The following MSH4 variants were observed in gnomAD, a reference collection of about 807,000 sequenced individuals.
MSH4 encodes mutS homolog 4, also known as mutS protein homolog 4.
A neutral mutation model predicts 113.7 loss-of-function variants in MSH4; 106 were observed. The ratio of observed to expected loss-of-function variants is 0.93; its 90% CI spans 0.80 to 1.10. The LOEUF (loss-of-function observed/expected upper bound fraction) is 1.10. MSH4 is among the 50% of genes least tolerant of loss of function. MSH4 has a pLI of 0.00. For missense variants in MSH4, 1,061 were observed against 1,093.7 expected (o/e 0.97, Z 0.42); for synonymous variants, 368 against 380.2 (o/e 0.97, Z 0.37).
At chr1:75,835,544 C>T (rs948894863) in intron 7 of MSH4, among the ~76,000 whole-genome samples, 3 of 152,154 alleles carry the variant, frequency 2.0e-5, no homozygotes, top group African/African-American at 7.2e-5. Context: ...CTACTTTTCA[C>T]TCCCTTTGTT....
At chr1:75,885,059 GTATA>G (rs1198722667) in intron 15 of MSH4, among the ~76,000 whole-genome samples, 12 of 112,556 alleles carry the variant, frequency 1.1e-4, no homozygotes, top group African/African-American at 4.0e-4. Context: ...GTGTGTGTGT[GTATA>G]TATATATATA....
intron 15 of MSH4, among the ~76,000 whole-genome samples, chr1:75,885,914 TAA>T (rs1652084592): frequency 8.2e-5 from 3 of 36,704 alleles, no homozygotes; most frequent in Admixed American, 2.8e-4. Flanking sequence ...TTAGTATATA[TAA>T]TATATATGAT....
chr1:75,839,237 C>G (rs1650898425), intron 7 of MSH4, among the ~76,000 whole-genome samples: 1 of 151,440 alleles, frequency 6.6e-6, no homozygotes, highest in Non-Finnish European at 1.5e-5. Flanking sequence ...TTTTTTGAGA[C>G]AGAGTTTCAC....
chr1:75,839,768 A>G (rs543101737), intron 7 of MSH4, among the ~76,000 whole-genome samples: 192 of 148,024 alleles, frequency 1.3e-3, no homozygotes, highest in Non-Finnish European at 2.4e-3. Context: ...CAACCTACTC[A>G]TCTGACAAAG....
intron 15 of MSH4, among the ~76,000 whole-genome samples, chr1:75,885,045 G>GTATATATATATA (rs1286506735): frequency 1.9e-4 from 20 of 107,778 alleles, no homozygotes; most frequent in African/African-American, 8.6e-4. Flanking sequence ...GTGTGTGTGT[G>GTATATATATATA]TGTGTGTGTG....
chr1:75,806,808 A>G (rs921567073), intron 2 of MSH4, among the ~76,000 whole-genome samples, 173 bp from the exon 3 acceptor site: 12 of 152,164 alleles, frequency 7.9e-5, no homozygotes, highest in Non-Finnish European at 7.4e-5. Flanking sequence ...TTTGATTGAA[A>G]TTATAGTTGT....
intron 8 of MSH4, among the ~76,000 whole-genome samples, chr1:75,854,881 T>G (rs1651281318): frequency 1.3e-5 from 2 of 152,200 alleles, no homozygotes; most frequent in South Asian, 4.1e-4. Context: ...TTTTGCCAGA[T>G]GTCACTGCTT....
intron 19 of MSH4, among the ~76,000 whole-genome samples, chr1:75,906,484 C>T (rs548490646): frequency 0.013 from 8 of 596 alleles, no homozygotes; most frequent in African/African-American, 0.021. Flanking sequence ...ATAATATATA[C>T]ATATTATATA....
At chr1:75,885,105 A>G (rs1159575514) in intron 15 of MSH4, among the ~76,000 whole-genome samples, 1 of 139,680 alleles carries the variant, frequency 7.2e-6, no homozygotes, top group African/African-American at 2.7e-5. Flanking sequence ...AATAATCTAG[A>G]TAAGAAAGGT....
Position 75,879,087 on chromosome 1 carries a change from A to G in MSH4, c.1636A>G (p.Ile546Val), listed in dbSNP as rs747371654. ...TTTCATCCAGATGACTACAGATTGT[A>G]TAGCCCTACCTAGTGATCAACTTCC... ...GFFIQMTTDCIALPSDQLPSE... is the reference protein window; with the variant it reads ...GFFIQMTTDCVALPSDQLPSE... Residue 546 changes from isoleucine (I) to valine (V), a missense_variant, in exon 12 of 20, where the codon ATA (isoleucine) becomes GTA (valine). Physicochemically the swap from Ile to Val is conservative, Grantham distance 29. Coordinates refer to ENST00000263187, the MANE Select transcript of MSH4 (RefSeq NM_002440.4). 5.0e-6 allele frequency: 8 copies of G among 1,611,980 alleles called. No homozygotes were observed. The highest frequency in any genetic ancestry group is 2.2e-5 in the South Asian group (2 of 91,034).
At chr1:75,894,618 G>C (rs1207762385) in intron 17 of MSH4, among the ~76,000 whole-genome samples, 2 of 152,146 alleles carry the variant, frequency 1.3e-5, no homozygotes, top group East Asian at 3.9e-4. Flanking sequence ...TAATGTTTCT[G>C]CCAAAACTAA....
In MSH4 at chr1:75,824,904, G is replaced by GTT. The variant is rs71588855; in HGVS notation, c.1162+2337_1162+2338dup. Among the ~76,000 whole-genome samples, 416 of 120,220 alleles carry GTT rather than the reference G, an allele frequency of 3.5e-3. 5 individuals carry two copies. The highest frequency in any genetic ancestry group is 5.0e-3 in the Non-Finnish European group (283 of 57,074). 78.9% of individuals were successfully genotyped at this position (120,220 alleles called of 152,430 possible). A position where few individuals can be genotyped will look rare whatever the true frequency, so the allele number is the denominator to read the frequency against. The stretch of plus-strand genomic sequence containing the variant: ...CAGGTAGCATAATACCTTCAGCTTT[G>GTT]TTTTTTTTTTTTTTTGCTTAGGATT... On this transcript the variant is annotated intron_variant, in intron 7 of 19. Transcript: ENST00000263187.
In MSH4 at chr1:75,830,124, G is replaced by T. The variant is rs114043673; in HGVS notation, c.1162+7543G>T. ...CTGATGGAGCTGAAAACCGTGGCAC[G>T]AGAACTTCTTGATGCGTGCACAAGC... On this transcript the variant is annotated intron_variant, in intron 7 of 19. Transcript: ENST00000263187. Among the ~76,000 whole-genome samples the T allele has an allele frequency of 6.2e-3, 946 of 152,192 alleles. 8 individuals carry two copies. Among genetic ancestry groups the T allele is most frequent in the African/African-American group, 0.022 (897 of 41,510 alleles).
chr1:75,798,193 C>T (rs1429712614), intron 1 of MSH4, among the ~76,000 whole-genome samples: 1 of 152,170 alleles, frequency 6.6e-6, no homozygotes, highest in Non-Finnish European at 1.5e-5. Context: ...AACTCCTGGT[C>T]TCAAGTGCTC....
intron 2 of MSH4, 100 bp downstream of exon 2, chr1:75,804,013 C>G (rs1001063691): frequency 3.9e-6 from 3 of 772,106 alleles, no homozygotes; most frequent in African/African-American, 1.8e-5. Context: ...TTATCTATAA[C>G]TGATATGAAT....
chr1:75,898,258 T>C (rs1652427480), intron 18 of MSH4, among the ~76,000 whole-genome samples, 177 bp downstream of exon 18: 1 of 151,654 alleles, frequency 6.6e-6, no homozygotes, highest in South Asian at 2.1e-4. Context: ...TATCTAGATA[T>C]AGATATATAA....
At chr1:75,884,631 C>A (rs1652019761) in intron 15 of MSH4, among the ~76,000 whole-genome samples, 1 of 152,016 alleles carries the variant, frequency 6.6e-6, no homozygotes, top group Non-Finnish European at 1.5e-5. Flanking sequence ...CTGCTTTCCT[C>A]ACCCCACCAT....
chr1:75,830,640 A>G (rs573462693), intron 7 of MSH4, among the ~76,000 whole-genome samples: 1 of 152,216 alleles, frequency 6.6e-6, no homozygotes, highest in South Asian at 2.1e-4. Flanking sequence ...AATATTCAAC[A>G]TTCTTAAAGA....
rs754100797 is a variant in MSH4, at chr1:75,899,682, A to G, written c.2595A>G (p.Thr865=). The change falls in exon 19 of 20, where the codon ACA becomes ACG. Residue 865 remains threonine (T), a synonymous_variant. Coordinates refer to ENST00000263187, the MANE Select transcript of MSH4 (RefSeq NM_002440.4). ...TTGTCTTGGATGCCAAGGAAATCAC[A>G]ACTCAAATTACGAGACAAATTTTGG... ...PSIVLDAKEI[T]TQITRQILQN... 4 of 1,504,400 alleles carry G rather than the reference A, an allele frequency of 2.7e-6. No individual in the cohort carries two copies. Among genetic ancestry groups the G allele is most frequent in the Admixed American group, 2.5e-5 (1 of 40,246 alleles). 93.2% of individuals were successfully genotyped at this position (1,504,400 alleles called of 1,614,324 possible). A position where few individuals can be genotyped will look rare whatever the true frequency, so the allele number is the denominator to read the frequency against.
Sources: gnomAD v4.1 joint callset for allele counts (sites outside exome capture counted in the v4.1 genomes callset) on GRCh38, gnomAD v4.1.1 for gene constraint, MANE v1.5 for transcripts, NCBI Gene and HGNC (gene_info 2026-07-23, HGNC 2026-07-21) for gene names.